Variants in SORCS1 observed in about 807,000 individuals in gnomAD.
The protein encoded by SORCS1 is sortilin related VPS10 domain containing receptor 1, also known as VPS10 domain-containing receptor SorCS1.
A neutral mutation model predicts 146.1 loss-of-function variants in SORCS1; 60 were observed. The ratio of observed to expected loss-of-function variants is 0.41; its 90% CI spans 0.33 to 0.51. The LOEUF (loss-of-function observed/expected upper bound fraction) is 0.51. SORCS1 is among the 20% of genes least tolerant of loss of function. The pLI is 0.21. For synonymous variants in SORCS1, 637 were observed against 584.0 expected (o/e 1.09, Z -1.31); for missense variants, 1,352 against 1,487.6 (o/e 0.91, Z 1.50).
chr10:106,741,755 A>C, intron 5 of SORCS1, among the ~76,000 whole-genome samples: 1 of 152,156 alleles, frequency 6.6e-6, no homozygotes, highest in East Asian at 1.9e-4. Flanking sequence ...TTGGAAACAG[A>C]CTAGATATTA....
chr10:106,639,707 T>C (rs924541276), intron 18 of SORCS1, among the ~76,000 whole-genome samples: 1 of 152,128 alleles, frequency 6.6e-6, no homozygotes, highest in Non-Finnish European at 1.5e-5. Flanking sequence ...CTAAGGCTCA[T>C]CGAAATCAGC....
intron 1 of SORCS1, among the ~76,000 whole-genome samples, chr10:107,090,961 G>A (rs1846214524): frequency 6.6e-6 from 1 of 152,046 alleles, no homozygotes. Flanking sequence ...CACAATTGGT[G>A]AGTGAAATGA....
At chr10:106,975,469 T>A (rs1253179514) in intron 1 of SORCS1, among the ~76,000 whole-genome samples, 1 of 152,220 alleles carries the variant, frequency 6.6e-6, no homozygotes, top group East Asian at 1.9e-4. Context: ...CCAGAAATGC[T>A]TCACCCTTGG....
At chr10:106,947,521 T>C (rs905376897) in intron 2 of SORCS1, among the ~76,000 whole-genome samples, 5 of 152,164 alleles carry the variant, frequency 3.3e-5, no homozygotes, top group African/African-American at 1.2e-4. Flanking sequence ...CTACTAAATC[T>C]TTCTAAGTCT....
intron 2 of SORCS1, among the ~76,000 whole-genome samples, chr10:106,851,383 C>T (rs191960554): frequency 4.3e-4 from 66 of 152,278 alleles, no homozygotes; most frequent in African/African-American, 1.4e-3. Flanking sequence ...GCTGTAAGGT[C>T]TGTGTTCAAA....
intron 1 of SORCS1, among the ~76,000 whole-genome samples, chr10:107,010,752 C>T (rs1459827838): frequency 6.6e-6 from 1 of 152,192 alleles, no homozygotes; most frequent in East Asian, 1.9e-4. Flanking sequence ...TTTTGTAAGA[C>T]CGAGTTCATA....
At chr10:106,605,358 A>G (rs2133370207) in intron 23 of SORCS1, among the ~76,000 whole-genome samples, 2 of 152,352 alleles carry the variant, frequency 1.3e-5, no homozygotes, top group South Asian at 4.1e-4. Flanking sequence ...TGATGTAGAA[A>G]ATACAACACT....
At chr10:106,896,447 A>G (rs899134249) in intron 2 of SORCS1, among the ~76,000 whole-genome samples, 2 of 151,004 alleles carry the variant, frequency 1.3e-5, no homozygotes, top group African/African-American at 4.9e-5. Flanking sequence ...AAAAAAAAAA[A>G]GAAATGAAAA....
chr10:106,999,535 A>T (rs1957130865), intron 1 of SORCS1, among the ~76,000 whole-genome samples: 1 of 152,244 alleles, frequency 6.6e-6, no homozygotes, highest in South Asian at 2.1e-4. Flanking sequence ...CAGAAGAAAC[A>T]GGATTCTGGA....
chr10:107,095,323 C>T (rs909700031), intron 1 of SORCS1, among the ~76,000 whole-genome samples: 8 of 152,134 alleles, frequency 5.3e-5, no homozygotes, highest in African/African-American at 1.9e-4. Flanking sequence ...TATGAAAGGC[C>T]AAGGGACAAC....
At chr10:106,702,186 C>T (rs1854184723) in intron 8 of SORCS1, among the ~76,000 whole-genome samples, 1 of 152,190 alleles carries the variant, frequency 6.6e-6, no homozygotes. Flanking sequence ...CCTTGACAAC[C>T]AAACCTCCCA....
chr10:107,040,479 G>A (rs1959105492), intron 1 of SORCS1, among the ~76,000 whole-genome samples: 1 of 152,106 alleles, frequency 6.6e-6, no homozygotes, highest in Admixed American at 6.6e-5. Context: ...CAAGACTCAA[G>A]GACAAATTTC....
At chr10:106,999,575 C>T (rs555454879) in intron 1 of SORCS1, among the ~76,000 whole-genome samples, 1 of 152,334 alleles carries the variant, frequency 6.6e-6, no homozygotes, top group East Asian at 1.9e-4. Flanking sequence ...TCTCTCATCT[C>T]TTCACTTTGT....
At chr10:106,671,485 C>T in intron 15 of SORCS1, 118 bp from the exon 16 acceptor site, 1 of 1,388,958 alleles carries the variant, frequency 7.2e-7, no homozygotes, top group South Asian at 1.4e-5. Flanking sequence ...CTTTGGTAGC[C>T]CTCTTTGTGC....
At chr10:106,946,678 A>T (rs1954361907) in intron 2 of SORCS1, among the ~76,000 whole-genome samples, 1 of 152,238 alleles carries the variant, frequency 6.6e-6, no homozygotes, top group African/African-American at 2.4e-5. Context: ...GGAACAGACT[A>T]ATAATACAGT....
chr10:106,791,256 A>C (rs2136516376), intron 3 of SORCS1, among the ~76,000 whole-genome samples: 1 of 152,290 alleles, frequency 6.6e-6, no homozygotes, highest in South Asian at 2.1e-4. Context: ...TATAGTATTG[A>C]TTGTACAAAT....
chr10:106,648,187 C>G (rs1564815680), intron 18 of SORCS1, among the ~76,000 whole-genome samples: 1 of 148,718 alleles, frequency 6.7e-6, no homozygotes, highest in Admixed American at 6.6e-5. Flanking sequence ...CTATTTGTCT[C>G]AACTGTATTA....
intron 1 of SORCS1, among the ~76,000 whole-genome samples, chr10:107,139,457 A>G (rs1283244657): frequency 2.6e-5 from 4 of 152,236 alleles, no homozygotes; most frequent in Admixed American, 6.5e-5. Flanking sequence ...CCTGCAATCA[A>G]TTGGTGACTG....
intron 5 of SORCS1, among the ~76,000 whole-genome samples, chr10:106,752,947 A>G (rs1858366759): frequency 6.6e-6 from 1 of 152,150 alleles, no homozygotes; most frequent in African/African-American, 2.4e-5. Context: ...AGCTGATTCT[A>G]AATGGTAAGA....
Sources: allele counts gnomAD v4.1 joint callset (sites outside exome capture counted in the v4.1 genomes callset), GRCh38; gene constraint gnomAD v4.1.1; transcripts MANE v1.5; gene names NCBI Gene and HGNC (gene_info 2026-07-23, HGNC 2026-07-21).